ATG7: variants seen among roughly 807,000 people sequenced by gnomAD.
ATG7 encodes ubiquitin-like modifier-activating enzyme ATG7.
A neutral mutation model predicts 82.4 loss-of-function variants in ATG7; 70 were observed. The ratio of observed to expected loss-of-function variants is 0.85; its 90% CI spans 0.70 to 1.04. ATG7 has a LOEUF of 1.04. Among genes scored for constraint, ATG7 ranks in the 50% least tolerant of loss-of-function variants. ATG7 has a pLI of 0.00. For missense variants in ATG7, 792 were observed against 864.3 expected (o/e 0.92, Z 1.05); for synonymous variants, 287 against 313.0 (o/e 0.92, Z 0.88).
In ATG7 at chr3:11,554,948, C is replaced by T; in HGVS notation, c.*105C>T. 2.8e-6 allele frequency: 4 copies of T among 1,405,802 alleles called. No homozygotes were observed. The highest frequency in any genetic ancestry group is 3.8e-6 in the Non-Finnish European group (4 of 1,041,618). 87.1% of individuals were successfully genotyped at this position (1,405,802 alleles called of 1,614,324 possible). On this transcript the variant is annotated 3_prime_UTR_variant, in exon 21 of 21. Transcript: ENST00000693202. ...CAGGCCTGGTGATTCTGGGCCCCTC[C>T]TCCATACCCCGAGGTCTGGGATTCC... is the stretch of plus-strand genomic sequence containing the variant.
chr3:11,561,223 G>A (rs1211624676), downstream of ATG7, among the ~76,000 whole-genome samples: 1 of 152,162 alleles, frequency 6.6e-6, no homozygotes, highest in Non-Finnish European at 1.5e-5. Context: ...GTGGGGAACT[G>A]GGGAGACATT....
intron 20 of ATG7, among the ~76,000 whole-genome samples, chr3:11,489,113 C>T (rs1282310987): frequency 6.6e-6 from 1 of 152,222 alleles, no homozygotes; most frequent in East Asian, 1.9e-4. Flanking sequence ...AATTCAACTT[C>T]TTCCTGGTTT....
At position 11,451,870 on chromosome 3, in the gene ATG7, TACACACACACACACAGAC is replaced by T. The variant is rs1559652837; in HGVS notation, c.2079+24958_2079+24975del. Among the ~76,000 whole-genome samples the T allele has an allele frequency of 3.5e-5, 5 of 141,794 alleles. 1 individual carries two copies. Among genetic ancestry groups the T allele is most frequent in the African/African-American group, 1.3e-4 (5 of 38,168 alleles). 93.0% of individuals were successfully genotyped at this position (141,794 alleles called of 152,430 possible). On this transcript the variant is annotated intron_variant, in intron 20 of 20. Transcript: ENST00000693202. ...CTCTATATATATATACGCCTTTACA[TACACACACACACACAGAC>T]ACACACACACACAGACACACACACA...
the ATG7 span, among the ~76,000 whole-genome samples, chr3:11,571,977 C>G: frequency 6.6e-6 from 1 of 152,168 alleles, no homozygotes; most frequent in Non-Finnish European, 1.5e-5. Context: ...CGTGGTGTCA[C>G]GTACCTGCAG....
At chr3:11,402,012 A>G (rs937250741) in intron 19 of ATG7, among the ~76,000 whole-genome samples, 1 of 152,212 alleles carries the variant, frequency 6.6e-6, no homozygotes, top group Non-Finnish European at 1.5e-5. Flanking sequence ...TAAGTGTACA[A>G]CTTGGTGGGT....
chr3:11,449,848 C>T lies in ATG7; in HGVS notation c.2079+22922C>T, dbSNP rs545267893. Among the ~76,000 whole-genome samples the T allele has an allele frequency of 3.9e-5, 6 of 152,268 alleles. No homozygotes were observed. In the South Asian group the frequency reaches 1.0e-3, roughly 26 times the overall value. On this transcript the variant is annotated intron_variant, in intron 20 of 20. Coordinates refer to ENST00000693202, the MANE Select transcript of ATG7 (RefSeq NM_001349232.2). Reference sequence around the variant, plus strand: ...CAAAAAAGCGGTTGTAGATGGAAAACGCATTAACTGCTGAGAACACGTTTT... The same window carrying T: ...CAAAAAAGCGGTTGTAGATGGAAAATGCATTAACTGCTGAGAACACGTTTT...
chr3:11,421,234 C>T (rs2081917226), intron 19 of ATG7, among the ~76,000 whole-genome samples: 1 of 152,134 alleles, frequency 6.6e-6, no homozygotes, highest in Admixed American at 6.5e-5. Flanking sequence ...TTTGTTGCAG[C>T]AGTTGGCTTT....
At chr3:11,412,313 C>A (rs2080987262) in intron 19 of ATG7, among the ~76,000 whole-genome samples, 1 of 147,110 alleles carries the variant, frequency 6.8e-6, no homozygotes. Context: ...AGGGAAGGAA[C>A]TCAGATAAAA....
At chr3:11,282,115 C>T (rs1045199593) in intron 2 of ATG7, 78 bp from the exon 3 acceptor site, 3 of 152,154 alleles carry the variant, frequency 2.0e-5, no homozygotes, top group Non-Finnish European at 4.4e-5. Context: ...GGCACACTGC[C>T]CTCCATCTTC....
chr3:11,296,961 A>T (rs930784956), intron 3 of ATG7, among the ~76,000 whole-genome samples: 3 of 152,124 alleles, frequency 2.0e-5, no homozygotes, highest in African/African-American at 7.2e-5. Flanking sequence ...CCTTATCTCT[A>T]ATTCTAAATC....
In ATG7 at chr3:11,543,366, A is replaced by G. The variant is rs1229074850; in HGVS notation, c.2080-11445A>G. 2.6e-5 allele frequency among the ~76,000 whole-genome samples: 4 copies of G among 152,194 alleles called. No individual in the cohort carries two copies. In the East Asian group the frequency reaches 7.7e-4, roughly 29 times the overall value. On this transcript the variant is annotated intron_variant, in intron 20 of 20. Transcript: ENST00000693202. Reference sequence around the variant, plus strand: ...GGGAGAACTCCTCCCTCAGAAGACTAGAAGTAGCCCCCACAGTTCTGTTTC... The same window carrying G: ...GGGAGAACTCCTCCCTCAGAAGACTGGAAGTAGCCCCCACAGTTCTGTTTC...
At chr3:11,334,029 A>G (rs1185524358) in intron 11 of ATG7, among the ~76,000 whole-genome samples, 1 of 152,048 alleles carries the variant, frequency 6.6e-6, no homozygotes, top group East Asian at 1.9e-4. Flanking sequence ...GATTACAGGC[A>G]TGAGCCACCG....
At chr3:11,495,116 C>T (rs1251588880) in intron 20 of ATG7, among the ~76,000 whole-genome samples, 4 of 152,144 alleles carry the variant, frequency 2.6e-5, no homozygotes, top group Non-Finnish European at 5.9e-5. Flanking sequence ...CTCTAAGGCC[C>T]TGTCCAAACC....
At position 11,451,212 on chromosome 3, in the gene ATG7, CTTT is replaced by C. The variant is rs34036551; in HGVS notation, c.2079+24302_2079+24304del. 4.3e-4 allele frequency among the ~76,000 whole-genome samples: 52 copies of C among 120,510 alleles called. 1 individual carries two copies. The Middle Eastern group carries it at 0.022, about 52-fold the overall frequency. 79.1% of individuals were successfully genotyped at this position (120,510 alleles called of 152,430 possible). On this transcript the variant is annotated intron_variant, in intron 20 of 20. Transcript: ENST00000693202. The stretch of plus-strand genomic sequence containing the variant: ...GATAAAATAGAAGTAAAGGTTGACA[CTTT>C]TTTTTTTTTTTTTTTGAGATCTATA...
intron 9 of ATG7, among the ~76,000 whole-genome samples, chr3:11,326,558 A>G (rs1223907011): frequency 6.6e-6 from 1 of 152,186 alleles, no homozygotes; most frequent in Non-Finnish European, 1.5e-5. Flanking sequence ...TCTGCCTTCC[A>G]GAGTGCTGGG....
At chr3:11,439,069 C>CTTTTTTTTTTTT (rs67206280) in intron 20 of ATG7, among the ~76,000 whole-genome samples, 3 of 121,976 alleles carry the variant, frequency 2.5e-5, no homozygotes, top group African/African-American at 6.3e-5. Flanking sequence ...TTCTTTCTTT[C>CTTTTTTTTTTTT]TTTTTTTTTT....
chr3:11,569,987 G>C, the ATG7 span, among the ~76,000 whole-genome samples: 1 of 152,212 alleles, frequency 6.6e-6, no homozygotes, highest in African/African-American at 2.4e-5. Context: ...GTGGTCAGCT[G>C]TATGCTCTGC....
intron 20 of ATG7, among the ~76,000 whole-genome samples, chr3:11,515,372 T>C (rs2092244115): frequency 6.6e-6 from 1 of 151,608 alleles, no homozygotes; most frequent in East Asian, 2.0e-4. Flanking sequence ...GGCACGATCT[T>C]GGCTCACTGC....
At chr3:11,539,168 C>T (rs568130949) in intron 20 of ATG7, among the ~76,000 whole-genome samples, 1 of 152,092 alleles carries the variant, frequency 6.6e-6, no homozygotes, top group Non-Finnish European at 1.5e-5. Context: ...ATGATGTGTA[C>T]CCTGCATCAG....
Sources: allele counts gnomAD v4.1 joint callset (sites outside exome capture counted in the v4.1 genomes callset), GRCh38; gene constraint gnomAD v4.1.1; transcripts MANE v1.5; gene names NCBI Gene and HGNC (gene_info 2026-07-23, HGNC 2026-07-21).